CHUK: variants seen among roughly 807,000 people sequenced by gnomAD.
CHUK encodes inhibitor of nuclear factor kappa-B kinase subunit alpha.
A neutral mutation model predicts 104.8 loss-of-function variants in CHUK; 35 were observed. The observed-to-expected ratio is 0.33, with a 90% CI of 0.26 to 0.44. The LOEUF (loss-of-function observed/expected upper bound fraction) is 0.44. Ranked by LOEUF, CHUK falls within the 20% of genes least tolerant of loss-of-function variation. The pLI is 1.00. For synonymous variants in CHUK, 276 were observed against 291.9 expected, an observed-to-expected ratio of 0.95 and a Z score of 0.56; for missense variants, 663 against 902.7, an observed-to-expected ratio of 0.73 and a Z score of 3.40.
At chr10:100,192,970 A>G (rs1267369453) in intron 19 of CHUK, 1 of 319,574 alleles carries the variant, frequency 3.1e-6, no homozygotes, top group Non-Finnish European at 5.9e-6. Flanking sequence ...TAAGCCAATA[A>G]AAGAAAGGAC....
chr10:100,189,698 T>C, intron 20 of CHUK, 71 bp from the exon 21 acceptor site: 1 of 1,109,210 alleles, frequency 9.0e-7, no homozygotes, highest in Admixed American at 1.7e-5. Context: ...TGTTCATTTT[T>C]GCAAGTTTTC....
At chr10:100,209,316 G>A (rs139189674) in intron 10 of CHUK, among the ~76,000 whole-genome samples, 363 of 152,196 alleles carry the variant, frequency 2.4e-3, no homozygotes, top group African/African-American at 7.7e-3. Context: ...TCTGCATCTC[G>A]TTATTGGGCC....
intron 11 of CHUK, among the ~76,000 whole-genome samples, chr10:100,206,446 C>T (rs1476586029): frequency 6.6e-6 from 1 of 150,742 alleles, no homozygotes; most frequent in Non-Finnish European, 1.5e-5. Flanking sequence ...ACTATCTGCC[C>T]AATTTTTTGG....
chr10:100,198,180 C>A lies in CHUK; in HGVS notation c.1729+1791G>T, dbSNP rs187366062. 1.6e-4 allele frequency among the ~76,000 whole-genome samples: 25 copies of A among 152,234 alleles called. No individual in the cohort carries two copies. In the East Asian group the frequency reaches 3.3e-3, roughly 20 times the overall value. ...ATCTGAATAATCATAGTTTGCCTGA[C>A]AGTTGCTCTTCCAAGTAAAAATGGT... On this transcript the variant is annotated intron_variant, in intron 16 of 20. Transcript: ENST00000370397.
chr10:100,213,097 G>A (rs1014660516), intron 9 of CHUK, among the ~76,000 whole-genome samples: 3 of 152,004 alleles, frequency 2.0e-5, no homozygotes, highest in Non-Finnish European at 4.4e-5. Flanking sequence ...TTAGCTGATG[G>A]ATATGCTAAT....
intron 2 of CHUK, among the ~76,000 whole-genome samples, chr10:100,224,080 T>G (rs892638412): frequency 3.0e-5 from 4 of 134,282 alleles, no homozygotes; most frequent in African/African-American, 1.1e-4. Context: ...TCTTGCTCGC[T>G]CGTTCACTCT....
At chr10:100,196,183 C>T (rs1845321963) in intron 16 of CHUK, among the ~76,000 whole-genome samples, 1 of 152,252 alleles carries the variant, frequency 6.6e-6, no homozygotes, top group South Asian at 2.1e-4. Context: ...CTAGCTACAA[C>T]TTCTATCACT....
At chr10:100,210,450 G>T (rs1845704847) in intron 9 of CHUK, among the ~76,000 whole-genome samples, 1 of 152,138 alleles carries the variant, frequency 6.6e-6, no homozygotes, top group Non-Finnish European at 1.5e-5. Context: ...AATTCATGAA[G>T]TGCCTAACAG....
rs1248520854 is a variant in CHUK, at chr10:100,215,206, C to T, written c.933+2789G>A. On this transcript the variant is annotated intron_variant, in intron 9 of 20. Coordinates refer to ENST00000370397, the MANE Select transcript of CHUK (RefSeq NM_001278.5). Reference sequence around the variant, plus strand: ...GTTGAGATCGTGAGACAGAGTGAGGCTCCATATCAAAAAAAAAAAAAAAAA... The same window carrying T: ...GTTGAGATCGTGAGACAGAGTGAGGTTCCATATCAAAAAAAAAAAAAAAAA... Among the ~76,000 whole-genome samples the T allele has an allele frequency of 3.9e-5, 5 of 126,772 alleles. No individual in the cohort carries two copies. In the Admixed American group the frequency reaches 4.2e-4, roughly 11 times the overall value. 83.2% of individuals were successfully genotyped at this position (126,772 alleles called of 152,430 possible).
chr10:100,210,119 G>T (rs1307617521), intron 9 of CHUK, among the ~76,000 whole-genome samples: 27 of 139,232 alleles, frequency 1.9e-4, no homozygotes, highest in African/African-American at 7.4e-4. Context: ...ACGGAGTCTC[G>T]CTCTGTCGCC....
chr10:100,221,723 T>TA (rs1350939317), intron 4 of CHUK, among the ~76,000 whole-genome samples: 1 of 152,116 alleles, frequency 6.6e-6, no homozygotes, highest in Non-Finnish European at 1.5e-5. Flanking sequence ...CTGCAACCTC[T>TA]ATCTCCTGGG....
intron 9 of CHUK, among the ~76,000 whole-genome samples, chr10:100,214,465 A>G (rs1483164277): frequency 1.3e-5 from 2 of 152,262 alleles, no homozygotes; most frequent in Non-Finnish European, 2.9e-5. Flanking sequence ...GGAAGCAGGC[A>G]CTTCATAAAG....
In CHUK at chr10:100,205,147, A is replaced by G. The variant is rs1341595574; in HGVS notation, c.1284T>C (p.Ala428=). Residue 428 remains alanine (A), a synonymous_variant, in exon 12 of 21, where the codon GCT becomes GCC. Transcript: ENST00000370397. Reference sequence around the variant, plus strand: ...GTCCAGACACATAGTGCACTGCTTCAGCCCACACTTTACGCAGCTGTATAA... The same window carrying G: ...GTCCAGACACATAGTGCACTGCTTCGGCCCACACTTTACGCAGCTGTATAA... ...LPIIQLRKVW[A]EAVHYVSGLK... 3 of 1,613,918 alleles carry G rather than the reference A, an allele frequency of 1.9e-6. No individual in the cohort carries two copies. In the East Asian group the frequency reaches 6.7e-5, roughly 36 times the overall value.
intron 4 of CHUK, among the ~76,000 whole-genome samples, chr10:100,221,634 C>T (rs1378902636): frequency 1.3e-5 from 2 of 151,858 alleles, no homozygotes; most frequent in Non-Finnish European, 2.9e-5. Context: ...AATAAAATAT[C>T]CTAGTTTCTT....
In CHUK at chr10:100,194,100, C is replaced by G. The variant is rs762307139; in HGVS notation, c.1858G>C (p.Asp620His). Residue 620 changes from aspartate to histidine, a missense_variant, in exon 18 of 21, where the codon GAT (aspartate) becomes CAT (histidine). Physicochemically the swap from Asp to His is moderately conservative, Grantham distance 81 (BLOSUM62 -1). Transcript: ENST00000370397. ...GCCACTTCCACCTTAGGGAGTAGAT[C>G]AATAATCTTCTGCTTACAGCCCAAC... The part of the protein sequence containing the change: ...KLLGCKQKII[D>H]LLPKVEVALS... 3.1e-6 allele frequency: 5 copies of G among 1,613,658 alleles called. 1 individual carries two copies. In the South Asian group the frequency reaches 3.3e-5, roughly 11 times the overall value.
rs1468519232 is a variant in CHUK at position 100,188,943 on chromosome 10, A to T, written c.*655T>A. 1.3e-5 allele frequency: 2 copies of T among 152,346 alleles called. No homozygotes were observed. Among genetic ancestry groups the T allele is most frequent in the East Asian group, 3.9e-4 (2 of 5,192 alleles). 9.4% of individuals were successfully genotyped at this position (152,346 alleles called of 1,614,324 possible). A position where few individuals can be genotyped will look rare whatever the true frequency, so the allele number is the denominator to read the frequency against. On this transcript the variant is annotated 3_prime_UTR_variant, in exon 21 of 21. Transcript: ENST00000370397. Reference sequence around the variant, plus strand: ...TACATCTTAAATACATATACACACAACAACATGATTTATGAAAGCCAACTA... The same window carrying T: ...TACATCTTAAATACATATACACACATCAACATGATTTATGAAAGCCAACTA...
intron 16 of CHUK, among the ~76,000 whole-genome samples, chr10:100,198,638 C>CATAA (rs1395591484): frequency 5.3e-5 from 8 of 152,144 alleles, no homozygotes; most frequent in African/African-American, 1.9e-4. Flanking sequence ...CTCACAGGTC[C>CATAA]ATATGCCACA....
chr10:100,192,258 T>C (rs1424836424), intron 19 of CHUK, among the ~76,000 whole-genome samples: 1 of 152,208 alleles, frequency 6.6e-6, no homozygotes, highest in Non-Finnish European at 1.5e-5. Flanking sequence ...CTAAAAAACT[T>C]AAATGCCTTT....
intron 1 of CHUK, among the ~76,000 whole-genome samples, chr10:100,228,204 G>A (rs1846148159): frequency 3.9e-5 from 6 of 152,130 alleles, no homozygotes; most frequent in Admixed American, 3.9e-4. Context: ...ACAAAACAAA[G>A]CCTATATTAC....
Sources: allele counts gnomAD v4.1 joint callset (sites outside exome capture counted in the v4.1 genomes callset), GRCh38; gene constraint gnomAD v4.1.1; transcripts MANE v1.5; gene names NCBI Gene and HGNC (gene_info 2026-07-23, HGNC 2026-07-21).